CEP112: variants seen among roughly 807,000 people sequenced by gnomAD.
CEP112 encodes centrosomal protein 112.
CEP112 carries 127 observed loss-of-function variants against 153.0 expected under a neutral mutation model. The ratio of observed to expected loss-of-function variants is 0.83; its 90% CI spans 0.72 to 0.96. The LOEUF (loss-of-function observed/expected upper bound fraction) is 0.96. Among genes scored for constraint, CEP112 ranks in the 40% least tolerant of loss-of-function variants. The pLI, the probability that CEP112 is intolerant of heterozygous loss-of-function variation, is 0.00. For missense variants in CEP112, 1,089 were observed against 1,101.2 expected (o/e 0.99, Z 0.16); for synonymous variants, 358 against 374.4 (o/e 0.96, Z 0.51).
In CEP112 at chr17:65,795,164, T is replaced by G. The variant is rs79483984; in HGVS notation, c.2395-44440A>C. The stretch of plus-strand genomic sequence containing the variant: ...GCTGTCCTAGTCACAGAGCTCATAA[T>G]AGTGGGAGGTAGGATTTGAAGCCAG... On this transcript the variant is annotated intron_variant, in intron 21 of 26. Coordinates refer to ENST00000535342, the MANE Select transcript of CEP112 (RefSeq NM_001199165.4). 3.2e-3 allele frequency among the ~76,000 whole-genome samples: 480 copies of G among 152,312 alleles called. 3 individuals are homozygous for G. Among genetic ancestry groups the G allele is most frequent in the African/African-American group, 0.011 (455 of 41,576 alleles).
rs557106299 is a variant in CEP112, at chr17:65,682,236, C to T, written c.2697+6893G>A. ...CTTGAGCTCCTGATCTCGTAATCCA[C>T]CCGCCCCGGCTTCCCAAAGTGTTGG... On this transcript the variant is annotated intron_variant, in intron 24 of 26. Coordinates refer to ENST00000535342, the MANE Select transcript of CEP112 (RefSeq NM_001199165.4). 1.6e-4 allele frequency among the ~76,000 whole-genome samples: 24 copies of T among 152,238 alleles called. No individual in the cohort carries two copies. In the East Asian group the frequency reaches 3.9e-3, roughly 25 times the overall value.
At chr17:65,651,623 AT>A (rs1251412098) in intron 24 of CEP112, among the ~76,000 whole-genome samples, 1 of 151,914 alleles carries the variant, frequency 6.6e-6, no homozygotes, top group Non-Finnish European at 1.5e-5. Context: ...TTTTTTGATT[AT>A]GGTCATTCCT....
chr17:66,166,912 A>AACAAAAC (rs1555818966), intron 4 of CEP112, among the ~76,000 whole-genome samples: 1 of 150,764 alleles, frequency 6.6e-6, no homozygotes, highest in Non-Finnish European at 1.5e-5. Context: ...TCAAAAAAAA[A>AACAAAAC]AAAAAAAAAA....
chr17:65,808,940 A>AT (rs1470034536), intron 21 of CEP112, among the ~76,000 whole-genome samples: 2 of 152,198 alleles, frequency 1.3e-5, no homozygotes, highest in Non-Finnish European at 1.5e-5. Context: ...GTGATACAAA[A>AT]TTGAGTTTGG....
chr17:65,750,727 G>A lies in CEP112; in HGVS notation c.2395-3C>T, dbSNP rs756500586. 6.2e-7 allele frequency: 1 copy of A among 1,613,740 alleles called. No homozygotes were observed. Among genetic ancestry groups the A allele is most frequent in the South Asian group, 1.1e-5 (1 of 91,072 alleles). On this transcript the variant is annotated splice_region_variant and splice_polypyrimidine_tract_variant and intron_variant, in intron 21 of 26. Transcript: ENST00000535342. ...ATCTGCTTCAGCTTGCTGTTGGCCTGAAAAACACATGTACATGAACACATA... is the reference window on the plus strand; with the variant it reads ...ATCTGCTTCAGCTTGCTGTTGGCCTAAAAAACACATGTACATGAACACATA...
intron 21 of CEP112, among the ~76,000 whole-genome samples, chr17:65,775,419 G>C (rs1372909389): frequency 6.6e-6 from 1 of 151,928 alleles, no homozygotes; most frequent in Non-Finnish European, 1.5e-5. Context: ...TTTTATCACG[G>C]TTTTCCCCAC....
intron 4 of CEP112, among the ~76,000 whole-genome samples, chr17:66,168,509 A>ATG (rs1209355747): frequency 6.8e-6 from 1 of 147,892 alleles, no homozygotes; most frequent in African/African-American, 2.4e-5. Flanking sequence ...ATATGTATAT[A>ATG]TGTGTGTGTA....
At chr17:66,075,370 AC>A (rs2067452726) in intron 8 of CEP112, among the ~76,000 whole-genome samples, 1 of 152,180 alleles carries the variant, frequency 6.6e-6, no homozygotes, top group Non-Finnish European at 1.5e-5. Context: ...CTAAAAATTG[AC>A]TTTGATATGG....
At chr17:66,165,645 T>C (rs772829531) in intron 4 of CEP112, among the ~76,000 whole-genome samples, 1 of 152,180 alleles carries the variant, frequency 6.6e-6, no homozygotes, top group Non-Finnish European at 1.5e-5. Context: ...GACTAAAAAA[T>C]TAAATCAATA....
At chr17:66,129,881 G>A (rs994921678) in intron 5 of CEP112, 58 bp from the exon 6 acceptor site, 2 of 1,048,178 alleles carry the variant, frequency 1.9e-6, no homozygotes, top group East Asian at 2.5e-5. Flanking sequence ...AGAAATAAAA[G>A]GAAAAGATGG....
rs138104313 is a variant in CEP112, at chr17:66,112,367, G to T, written c.643-15735C>A. Among the ~76,000 whole-genome samples, 14 of 151,570 alleles carry T rather than the reference G, an allele frequency of 9.2e-5. No homozygotes were observed. In the South Asian group the frequency reaches 2.5e-3, roughly 27 times the overall value. The stretch of plus-strand genomic sequence containing the variant: ...TGAGAAAATTGAGGAAAAAAACTTG[G>T]GGCACATTTCACTGATGAGGAATTA... On this transcript the variant is annotated intron_variant, in intron 6 of 26. Coordinates refer to ENST00000535342, the MANE Select transcript of CEP112 (RefSeq NM_001199165.4).
intron 17 of CEP112, among the ~76,000 whole-genome samples, chr17:65,989,309 GC>G (rs1261172796): frequency 1.3e-5 from 2 of 150,784 alleles, no homozygotes; most frequent in Non-Finnish European, 3.0e-5. Context: ...CTATCCCAAG[GC>G]CTATAAACAT....
At chr17:65,971,921 T>C (rs189907226) in intron 17 of CEP112, among the ~76,000 whole-genome samples, 21 of 152,126 alleles carry the variant, frequency 1.4e-4, no homozygotes, top group Non-Finnish European at 2.8e-4. Context: ...AATGCAGGGG[T>C]GAATAAACAC....
chr17:66,135,988 A>G lies in CEP112; in HGVS notation c.471-3225T>C, dbSNP rs553696395. On this transcript the variant is annotated intron_variant, in intron 4 of 26. Coordinates refer to ENST00000535342, the MANE Select transcript of CEP112 (RefSeq NM_001199165.4). ...TCTCAATGGACACATAAATTCAACAACAATACATAGACCAAAATTTCCTTT... is the reference window on the plus strand; with the variant it reads ...TCTCAATGGACACATAAATTCAACAGCAATACATAGACCAAAATTTCCTTT... Among the ~76,000 whole-genome samples the G allele has an allele frequency of 2.0e-5, 3 of 152,258 alleles. No individual in the cohort carries two copies. In the East Asian group the frequency reaches 5.8e-4, roughly 29 times the overall value.
chr17:65,835,154 A>G lies in CEP112; in HGVS notation c.2394+16650T>C, dbSNP rs189876585. 1.8e-3 allele frequency among the ~76,000 whole-genome samples: 265 copies of G among 151,104 alleles called. 1 individual carries two copies. Among genetic ancestry groups the G allele is most frequent in the African/African-American group, 6.1e-3 (251 of 41,196 alleles). On this transcript the variant is annotated intron_variant, in intron 21 of 26. Transcript: ENST00000535342. The stretch of plus-strand genomic sequence containing the variant: ...AGTAGCTAAATGATGTTACCTATGC[A>G]ACAAACCTTCACATGTACCCCCAAA...
At chr17:66,043,383 G>T (rs927099138) in intron 12 of CEP112, among the ~76,000 whole-genome samples, 9 of 152,022 alleles carry the variant, frequency 5.9e-5, no homozygotes, top group African/African-American at 2.2e-4. Context: ...CATTAATTTA[G>T]AAGCATATGT....
chr17:65,745,120 A>G (rs1020251645), intron 22 of CEP112, among the ~76,000 whole-genome samples: 1 of 152,274 alleles, frequency 6.6e-6, no homozygotes, highest in Non-Finnish European at 1.5e-5. Context: ...GCATCTTGAC[A>G]ATAAAATATG....
intron 23 of CEP112, among the ~76,000 whole-genome samples, chr17:65,728,760 T>G (rs2050326675): frequency 6.6e-6 from 1 of 152,126 alleles, no homozygotes; most frequent in Non-Finnish European, 1.5e-5. Context: ...TGCACCTACA[T>G]AGCGCACTTA....
At chr17:65,954,903 A>T (rs1347956779) in intron 18 of CEP112, among the ~76,000 whole-genome samples, 1 of 152,224 alleles carries the variant, frequency 6.6e-6, no homozygotes, top group African/African-American at 2.4e-5. Flanking sequence ...GGTGTTCCTG[A>T]GGAAGATGAG....
Sources: allele counts gnomAD v4.1 joint callset (sites outside exome capture counted in the v4.1 genomes callset), GRCh38; gene constraint gnomAD v4.1.1; transcripts MANE v1.5; gene names NCBI Gene and HGNC (gene_info 2026-07-23, HGNC 2026-07-21).